Variants in RSRC2 observed in about 807,000 individuals in gnomAD.
RSRC2 encodes the protein arginine/serine-rich coiled-coil protein 2.
RSRC2 carries 5 observed loss-of-function variants against 61.3 expected under a neutral mutation model. The observed-to-expected ratio is 0.08, with a 90% confidence interval of 0.04 to 0.17. RSRC2 has a LOEUF of 0.17. Among genes scored for constraint, RSRC2 ranks in the 10% least tolerant of loss-of-function variants. The probability of loss-of-function intolerance (pLI) is 1.00; values close to 1 mark genes in which losing one functional copy is unlikely to be tolerated. For synonymous variants in RSRC2, 202 were observed against 166.5 expected, an observed-to-expected ratio of 1.21 and a Z score of -1.64; for missense variants, 381 against 518.8, an observed-to-expected ratio of 0.73 and a Z score of 2.58.
At chr12:122,515,356 A>G in intron 5 of RSRC2, 129 bp from the exon 6 acceptor site, 1 of 869,120 alleles carries the variant, frequency 1.2e-6, no homozygotes, top group Non-Finnish European at 1.8e-6. Flanking sequence ...CAAAAGATTT[A>G]AAACATCAGT....
At chr12:122,508,044 TCCGCTCACTTGGCATC>T (rs1958242295) in intron 8 of RSRC2, 158 bp downstream of exon 8, 2 of 675,678 alleles carry the variant, frequency 3.0e-6, no homozygotes, top group African/African-American at 3.6e-5. Flanking sequence ...CCTCAACTGA[TCCGCTCACTTGGCATC>T]CCAAAGTGCT....
At chr12:122,514,773 G>T (rs780572598) in intron 6 of RSRC2, 1 of 1,065,452 alleles carries the variant, frequency 9.4e-7, no homozygotes, top group Non-Finnish European at 1.2e-6. Context: ...AGTCATCTTA[G>T]ATGAGAAAAT....
chr12:122,508,151 A>C, intron 8 of RSRC2, 67 bp downstream of exon 8: 1 of 1,404,844 alleles, frequency 7.1e-7, no homozygotes, highest in Non-Finnish European at 1.0e-6. Context: ...TTTTCAACCC[A>C]AATTTGTTTT....
At chr12:122,515,285 A>G (rs1958820558) in intron 5 of RSRC2, 58 bp from the exon 6 acceptor site, 26 of 1,544,194 alleles carry the variant, frequency 1.7e-5, no homozygotes, top group Non-Finnish European at 2.3e-5. Context: ...TATTTTGTTA[A>G]TAAGAAATCA....
chr12:122,526,343 G>A (rs1243476230), intron 1 of RSRC2: 1 of 156,984 alleles, frequency 6.4e-6, no homozygotes. Flanking sequence ...AACACTAATT[G>A]AAATTATGCA....
chr12:122,518,967 G>T lies in RSRC2; in HGVS notation c.270C>A (p.Asp90Glu), dbSNP rs1959125832. ...TTCCTTTATCAGAAGAATGTTCTTT[G>T]TCATTATGTTCCTCAGACTTATGTT... ...SKKHKSEEHN[D>E]KEHSSDKGRE... Residue 90 changes from aspartate to glutamate, a missense_variant, in exon 4 of 10, where the codon GAC (aspartate) becomes GAA (glutamate). Asp to Glu is a conservative substitution (Grantham distance 45). This residue lies in a region of RSRC2 where 266 missense variants were observed against 270.5 expected (regional missense o/e 0.98). Transcript: ENST00000331738. 1 of 1,613,424 alleles carries T rather than the reference G, an allele frequency of 6.2e-7. No individual in the cohort carries two copies. Among genetic ancestry groups the T allele is most frequent in the African/African-American group, 1.3e-5 (1 of 74,990 alleles).
intron 1 of RSRC2, among the ~76,000 whole-genome samples, chr12:122,526,606 T>A (rs962303215): frequency 1.3e-5 from 2 of 151,846 alleles, no homozygotes; most frequent in African/African-American, 2.4e-5. Context: ...AACGTAGGGT[T>A]GGGGAAGAGA....
At chr12:122,520,006 A>G (rs1447117980) in intron 3 of RSRC2, 1 of 153,500 alleles carries the variant, frequency 6.5e-6, no homozygotes, top group Admixed American at 6.5e-5. Context: ...ATGTATAACT[A>G]AGATCTAAAG....
At chr12:122,512,693 C>G (rs1470038641) in intron 6 of RSRC2, among the ~76,000 whole-genome samples, 1 of 147,758 alleles carries the variant, frequency 6.8e-6, no homozygotes, top group Admixed American at 6.9e-5. Flanking sequence ...GATCACACCA[C>G]TGCACTCCAG....
intron 3 of RSRC2, chr12:122,520,313 T>C: frequency 5.9e-6 from 2 of 336,236 alleles, no homozygotes; most frequent in South Asian, 4.8e-5. Flanking sequence ...AGAAAAGAAA[T>C]TTTCCTTGGT....
At position 122,525,801 on chromosome 12, in the gene RSRC2, G is replaced by GT. The variant is rs1169838098; in HGVS notation, c.6+1046dup. Among the ~76,000 whole-genome samples, 178 of 21,500 alleles carry GT rather than the reference G, an allele frequency of 8.3e-3. 62 individuals are homozygous for GT. The highest frequency in any genetic ancestry group is 0.042 in the Middle Eastern group (2 of 48). 14.1% of individuals were successfully genotyped at this position (21,500 alleles called of 152,430 possible). A position where few individuals can be genotyped will look rare whatever the true frequency, so the allele number is the denominator to read the frequency against. Reference sequence around the variant, plus strand: ...GTAGCTCCTCTGGGGTCAACGAAGAGTTTTTTTTTTTTTTTTTTTTTTTTT... The same window carrying GT: ...GTAGCTCCTCTGGGGTCAACGAAGAGTTTTTTTTTTTTTTTTTTTTTTTTTT... On this transcript the variant is annotated intron_variant, in intron 1 of 9. Coordinates refer to ENST00000331738, the MANE Select transcript of RSRC2 (RefSeq NM_023012.6).
chr12:122,517,343 C>T lies in RSRC2; in HGVS notation c.486G>A (p.Arg162=), dbSNP rs1253352391. Residue 162 remains arginine, a synonymous_variant, in exon 5 of 10, where the codon AGG becomes AGA. Coordinates refer to ENST00000331738, the MANE Select transcript of RSRC2 (RefSeq NM_023012.6). ...RKKSRSRSRE[R]KKSRSRSRER... ...CCCTGCTTCTGGATCTCGATTTCTT[C>T]CTCTCTCTGCTTCTGGATCTCGATT... is the stretch of plus-strand genomic sequence containing the variant. 1 of 1,613,752 alleles carries T rather than the reference C, an allele frequency of 6.2e-7. No homozygotes were observed. The highest frequency in any genetic ancestry group is 8.5e-7 in the Non-Finnish European group (1 of 1,179,806).
At chr12:122,506,215 G>A (rs1048553214) in intron 9 of RSRC2, among the ~76,000 whole-genome samples, 4 of 151,990 alleles carry the variant, frequency 2.6e-5, no homozygotes, top group Non-Finnish European at 5.9e-5. Flanking sequence ...GTGAAACCCC[G>A]TCTATACTAA....
intron 9 of RSRC2, 180 bp downstream of exon 9, chr12:122,506,654 G>A (rs1209512050): frequency 1.8e-6 from 1 of 566,012 alleles, no homozygotes; most frequent in Non-Finnish European, 3.2e-6. Flanking sequence ...AGGGAGGACA[G>A]TGGGTAGGGG....
intron 1 of RSRC2, chr12:122,522,975 A>C (rs1414743068): frequency 1.3e-5 from 2 of 152,182 alleles, no homozygotes; most frequent in African/African-American, 4.8e-5. Flanking sequence ...TAAATTTTAC[A>C]AGTTTCAACT....
intron 1 of RSRC2, 121 bp downstream of exon 1, chr12:122,526,727 A>G (rs752515346): frequency 1.0e-4 from 121 of 1,154,640 alleles, no homozygotes; most frequent in Middle Eastern, 4.0e-4. Flanking sequence ...GGCGCAGAAG[A>G]AGGCCGCGGC....
In RSRC2 at chr12:122,511,093, G is replaced by A; in HGVS notation, c.805+16C>T. The A allele has an allele frequency of 6.4e-7, 1 of 1,572,472 alleles. No individual in the cohort carries two copies. Among genetic ancestry groups the A allele is most frequent in the South Asian group, 1.1e-5 (1 of 88,500 alleles). On this transcript the variant is annotated intron_variant, in intron 7 of 9. Coordinates refer to ENST00000331738, the MANE Select transcript of RSRC2 (RefSeq NM_023012.6). ...AGCTCAAATCGAGATGACTAAAAAA[G>A]AATGAAAAAAATTACCTGCAGCTAT...
At chr12:122,513,266 A>T (rs1191919227) in intron 6 of RSRC2, among the ~76,000 whole-genome samples, 1 of 150,222 alleles carries the variant, frequency 6.7e-6, no homozygotes, top group African/African-American at 2.4e-5. Flanking sequence ...AAAATAAAAA[A>T]TAAAAAAAGT....
rs770378401 is a variant in RSRC2 at position 122,515,203 on chromosome 12, C to T, written c.627G>A (p.Lys209=). The T allele has an allele frequency of 1.2e-6, 2 of 1,614,008 alleles. No homozygotes were observed. Among genetic ancestry groups the T allele is most frequent in the South Asian group, 2.2e-5 (2 of 91,056 alleles). The change falls in exon 6 of 10, where the codon AAG becomes AAA. Residue 209 remains lysine (K), a synonymous_variant. Transcript: ENST00000331738. ...TTAAACTTCTGCTAAATCTTCTCGG[C>T]TTTTCAATTCTCTTCTTTCTATCTC... ...RSRDRKKRIE[K]PRRFSRSLSR...
Sources: allele counts gnomAD v4.1 joint callset (sites outside exome capture counted in the v4.1 genomes callset), GRCh38; gene constraint gnomAD v4.1.1; regional missense constraint gnomAD v4.1.1; transcripts MANE v1.5; gene names NCBI Gene and HGNC (gene_info 2026-07-23, HGNC 2026-07-21).